Variants in DSCC1 observed in about 807,000 individuals in gnomAD.
DSCC1 encodes the protein DNA replication and sister chromatid cohesion 1.
Under a neutral mutation model 48.2 loss-of-function variants are expected in DSCC1, and 32 were observed. The ratio of observed to expected loss-of-function variants is 0.66; its 90% CI spans 0.50 to 0.89. The LOEUF is 0.89. Among genes scored for constraint, DSCC1 ranks in the 40% least tolerant of loss-of-function variants. The pLI is 0.00. For synonymous variants in DSCC1, 150 were observed against 171.5 expected (o/e 0.87, Z 0.98); for missense variants, 421 against 471.7 (o/e 0.89, Z 1.00).
At chr8:119,835,071 T>C in intron 8 of DSCC1, 70 bp from the exon 9 acceptor site, 4 of 995,928 alleles carry the variant, frequency 4.0e-6, no homozygotes, top group Non-Finnish European at 6.0e-6. Context: ...TACTATGTAC[T>C]TATTTTCTCT....
In DSCC1 at chr8:119,853,149, C is replaced by G; in HGVS notation, c.249G>C (p.Leu83Phe). The G allele has an allele frequency of 6.2e-7, 1 of 1,614,104 alleles. No individual in the cohort carries two copies. The highest frequency in any genetic ancestry group is 8.5e-7 in the Non-Finnish European group (1 of 1,180,004). Residue 83 changes from leucine to phenylalanine, a missense_variant, in exon 2 of 9, where the codon TTG (leucine) becomes TTC (phenylalanine). Transcript: ENST00000313655. ...ACATATTGGAAGTGTCTGCTATCTT[C>G]AAGTCGTATGTTTTGTCTTTACTGC... ...VLCSKDKTYD[L>F]KIADTSNMLL...
intron 1 of DSCC1, among the ~76,000 whole-genome samples, chr8:119,854,512 T>TTA (rs1467831858): frequency 6.6e-6 from 1 of 152,258 alleles, no homozygotes; most frequent in Non-Finnish European, 1.5e-5. Flanking sequence ...TAATGCTTAA[T>TTA]AGGCCCAAGT....
chr8:119,842,623 C>T (rs554122496), intron 6 of DSCC1, among the ~76,000 whole-genome samples, 153 bp downstream of exon 6: 1 of 151,854 alleles, frequency 6.6e-6, no homozygotes, highest in African/African-American at 2.4e-5. Flanking sequence ...TGGGTTCAAG[C>T]GACCCACCCA....
At chr8:119,849,309 G>T (rs989506313) in intron 3 of DSCC1, among the ~76,000 whole-genome samples, 1 of 152,024 alleles carries the variant, frequency 6.6e-6, no homozygotes, top group Non-Finnish European at 1.5e-5. Context: ...GGGAGGCTGA[G>T]GCAGGAGAAT....
In DSCC1 at chr8:119,842,388, T is replaced by C. The variant is rs918181696; in HGVS notation, c.769+388A>G. Among the ~76,000 whole-genome samples, 29 of 151,162 alleles carry C rather than the reference T, an allele frequency of 1.9e-4. No individual in the cohort carries two copies. The East Asian group carries it at 3.1e-3, about 16-fold the overall frequency. ...ACTGCACTGGCCTTTTTTTTTTTTTTTTTCTTTCTGAGAGAGAGGGTCTCA... is the reference window on the plus strand; with the variant it reads ...ACTGCACTGGCCTTTTTTTTTTTTTCTTTCTTTCTGAGAGAGAGGGTCTCA... On this transcript the variant is annotated intron_variant, in intron 6 of 8. Transcript: ENST00000313655.
rs1235153548 is a variant in DSCC1 at position 119,842,841 on chromosome 8, A to G, written c.717-13T>C. 3 of 1,592,044 alleles carry G rather than the reference A, an allele frequency of 1.9e-6. No homozygotes were observed. Among genetic ancestry groups the G allele is most frequent in the Non-Finnish European group, 2.6e-6 (3 of 1,171,586 alleles). ...TTCTATCATTTCCCTGAAAAATTTA[A>G]AACACCCACTTGAAAAGTTATAAGC... On this transcript the variant is annotated splice_polypyrimidine_tract_variant and intron_variant, in intron 5 of 8. Coordinates refer to ENST00000313655, the MANE Select transcript of DSCC1 (RefSeq NM_024094.3).
In DSCC1 at chr8:119,843,651, G is replaced by C; in HGVS notation, c.674C>G (p.Pro225Arg). 1 of 1,613,904 alleles carries C rather than the reference G, an allele frequency of 6.2e-7. No individual in the cohort carries two copies. Among genetic ancestry groups the C allele is most frequent in the Non-Finnish European group, 8.5e-7 (1 of 1,180,000 alleles). ...DSESWSFGKV[P>R]LNTCLQELGP... ...GAGTTCCTGAAGGCATGTGTTCAAA[G>C]GAACTTTACCAAAAGACCATGATTC... Residue 225 changes from proline (P) to arginine (R), a missense_variant, in exon 5 of 9, where the codon CCT (proline) becomes CGT (arginine). This residue lies in a region of DSCC1 where 238 missense variants were observed against 259.0 expected (regional missense o/e 0.92). Transcript: ENST00000313655.
In DSCC1 at chr8:119,845,844, G is replaced by A. The variant is rs1427478196; in HGVS notation, c.577+1146C>T. Reference sequence around the variant, plus strand: ...CATGACTGTAACCCCAGCTACTCAGGAGGTTGAGGCAGGAGAATCACTTGA... The same window carrying A: ...CATGACTGTAACCCCAGCTACTCAGAAGGTTGAGGCAGGAGAATCACTTGA... On this transcript the variant is annotated intron_variant, in intron 4 of 8. Coordinates refer to ENST00000313655, the MANE Select transcript of DSCC1 (RefSeq NM_024094.3). Among the ~76,000 whole-genome samples, 15 of 152,156 alleles carry A rather than the reference G, an allele frequency of 9.9e-5. No homozygotes were observed. In the South Asian group the frequency reaches 2.5e-3, roughly 25 times the overall value.
intron 4 of DSCC1, 95 bp downstream of exon 4, chr8:119,846,895 A>G: frequency 8.6e-7 from 1 of 1,158,108 alleles, no homozygotes; most frequent in Admixed American, 1.9e-5. Context: ...AGAATATTAA[A>G]TAAACTATAC....
intron 4 of DSCC1, among the ~76,000 whole-genome samples, chr8:119,843,950 T>C (rs1826813101): frequency 6.6e-6 from 1 of 152,082 alleles, no homozygotes. Flanking sequence ...CTAATTTTTG[T>C]ATTTTTAGTA....
chr8:119,836,094 CTTG>C (rs1437904471), intron 8 of DSCC1, among the ~76,000 whole-genome samples: 1 of 152,226 alleles, frequency 6.6e-6, no homozygotes, highest in African/African-American at 2.4e-5. Context: ...GGGCAGATCA[CTTG>C]AGGTCAGGAG....
chr8:119,853,245 T>G (rs758488840), intron 1 of DSCC1, 30 bp from the exon 2 acceptor site: 1 of 1,577,774 alleles, frequency 6.3e-7, no homozygotes, highest in East Asian at 2.3e-5. Flanking sequence ...AAATATATAG[T>G]TTATTGACAA....
At chr8:119,854,648 G>T (rs949024434) in intron 1 of DSCC1, among the ~76,000 whole-genome samples, 14 of 138,272 alleles carry the variant, frequency 1.0e-4, no homozygotes, top group Non-Finnish European at 2.1e-4. Flanking sequence ...TTATTTTTTT[G>T]TTTTTGTTTT....
intron 7 of DSCC1, chr8:119,839,245 AT>A (rs1281864289): frequency 6.7e-6 from 1 of 149,010 alleles, no homozygotes; most frequent in Non-Finnish European, 1.5e-5. Flanking sequence ...AATGACTATA[AT>A]ACTTATATCT....
chr8:119,843,709 G>A lies in DSCC1; in HGVS notation c.616C>T (p.Leu206Phe). The A allele has an allele frequency of 6.2e-7, 1 of 1,613,358 alleles. No individual in the cohort carries two copies. The highest frequency in any genetic ancestry group is 8.5e-7 in the Non-Finnish European group (1 of 1,179,820). ...ACAAGCTGAGTTACATGATTCAGAA[G>A]TTTCATCTCATAATCAAATTCAAGA... ...RILEFDYEMKLLNHVTQLVDS... is the reference protein window; with the variant it reads ...RILEFDYEMKFLNHVTQLVDS... The change falls in exon 5 of 9, where the codon CTT (leucine) becomes TTT (phenylalanine). Residue 206 changes from leucine to phenylalanine, a missense_variant. Physicochemically the swap from Leu to Phe is conservative, Grantham distance 22 (BLOSUM62 0). Coordinates refer to ENST00000313655, the MANE Select transcript of DSCC1 (RefSeq NM_024094.3).
intron 8 of DSCC1, 119 bp downstream of exon 8, chr8:119,838,140 G>A: frequency 9.1e-7 from 1 of 1,100,818 alleles, no homozygotes; most frequent in Non-Finnish European, 1.2e-6. Context: ...GAGTTTCTAG[G>A]GAAGCAGTAT....
chr8:119,837,371 G>T (rs1175258834), intron 8 of DSCC1, among the ~76,000 whole-genome samples: 1 of 152,194 alleles, frequency 6.6e-6, no homozygotes, highest in Non-Finnish European at 1.5e-5. Context: ...GTACACATGA[G>T]GAGGTTGGCC....
chr8:119,854,763 A>C (rs548882765), intron 1 of DSCC1, among the ~76,000 whole-genome samples: 100 of 152,338 alleles, frequency 6.6e-4, no homozygotes, highest in African/African-American at 2.3e-3. Flanking sequence ...ATGGAAACAG[A>C]CTAGTGAAGT....
rs114639609 is a variant in DSCC1, at chr8:119,835,113, G to A, written c.1074-112C>T. ...CCCTGAATCTGTCTTCTCAACAAGCGTAAGTGTAGGTGTTTGTGGGAGAGA... is the reference window on the plus strand; with the variant it reads ...CCCTGAATCTGTCTTCTCAACAAGCATAAGTGTAGGTGTTTGTGGGAGAGA... On this transcript the variant is annotated intron_variant, in intron 8 of 8. Transcript: ENST00000313655. The A allele has an allele frequency of 9.1e-4, 640 of 705,378 alleles. 2 individuals carry two copies. In the African/African-American group the frequency reaches 9.2e-3, roughly 10 times the overall value. 43.7% of individuals were successfully genotyped at this position (705,378 alleles called of 1,614,324 possible).
Sources: gnomAD v4.1 joint callset for allele counts (sites outside exome capture counted in the v4.1 genomes callset) on GRCh38, gnomAD v4.1.1 for gene constraint, gnomAD v4.1.1 regional missense constraint, MANE v1.5 for transcripts, NCBI Gene and HGNC (gene_info 2026-07-23, HGNC 2026-07-21) for gene names.